ERC2: variants seen among roughly 807,000 people sequenced by gnomAD.
The protein encoded by ERC2 is ELKS/RAB6-interacting/CAST family member 2.
A neutral mutation model predicts 114.8 loss-of-function variants in ERC2; 42 were observed. That is an observed-to-expected ratio of 0.37 (90% CI 0.29 to 0.47). ERC2 has a LOEUF of 0.47. Ranked by LOEUF, ERC2 falls within the 20% of genes least tolerant of loss-of-function variation. The pLI is 0.99. For missense variants in ERC2, 939 were observed against 1,150.7 expected (o/e 0.82, Z 2.66); for synonymous variants, 454 against 425.5 (o/e 1.07, Z -0.82).
intron 15 of ERC2, among the ~76,000 whole-genome samples, 185 bp downstream of exon 15, chr3:55,734,586 C>T (rs2065506692): frequency 6.6e-6 from 1 of 152,138 alleles, no homozygotes; most frequent in African/African-American, 2.4e-5. Flanking sequence ...CAGCCACATG[C>T]ACATAAACAC....
At chr3:55,768,113 G>A (rs1204820369) in intron 14 of ERC2, among the ~76,000 whole-genome samples, 2 of 152,102 alleles carry the variant, frequency 1.3e-5, no homozygotes, top group African/African-American at 4.8e-5. Context: ...TACTATGATT[G>A]TAAGTTTCCT....
At chr3:55,779,335 A>C (rs113784762) in intron 14 of ERC2, among the ~76,000 whole-genome samples, 3 of 142,180 alleles carry the variant, frequency 2.1e-5, no homozygotes, top group Non-Finnish European at 3.0e-5. Context: ...TACAAAAAAA[A>C]AAAAAAAAAA....
chr3:56,209,305 A>C (rs1232644575), intron 3 of ERC2, among the ~76,000 whole-genome samples: 4 of 152,000 alleles, frequency 2.6e-5, no homozygotes, highest in African/African-American at 9.7e-5. Flanking sequence ...GACTCTATTC[A>C]GGCCTTCAAG....
At chr3:56,291,059 C>G (rs1340450162) in intron 3 of ERC2, among the ~76,000 whole-genome samples, 3 of 152,220 alleles carry the variant, frequency 2.0e-5, no homozygotes, top group African/African-American at 4.8e-5. Context: ...AGACCCCTAT[C>G]TCTCTTCTAA....
At chr3:56,156,920 G>A in intron 4 of ERC2, among the ~76,000 whole-genome samples, 1 of 152,082 alleles carries the variant, frequency 6.6e-6, no homozygotes, top group East Asian at 1.9e-4. Context: ...AAGCTCCTCA[G>A]CTTGGGGGTA....
At chr3:56,043,525 A>G (rs1229012885) in intron 7 of ERC2, among the ~76,000 whole-genome samples, 4 of 151,396 alleles carry the variant, frequency 2.6e-5, no homozygotes, top group South Asian at 2.1e-4. Flanking sequence ...AGACACTCAG[A>G]AAAAAAAAGA....
chr3:56,138,463 G>T (rs1050856960), intron 6 of ERC2, among the ~76,000 whole-genome samples: 1 of 152,212 alleles, frequency 6.6e-6, no homozygotes, highest in Non-Finnish European at 1.5e-5. Context: ...AATGGTCAAA[G>T]GTATAGGGGC....
rs527435249 is a variant in ERC2 at position 55,733,021 on chromosome 3, G to A, written c.2712+1750C>T. Among the ~76,000 whole-genome samples, 4 of 152,270 alleles carry A rather than the reference G, an allele frequency of 2.6e-5. No individual in the cohort carries two copies. The East Asian group carries it at 7.7e-4, about 29-fold the overall frequency. On this transcript the variant is annotated intron_variant, in intron 15 of 17. Coordinates refer to ENST00000288221, the MANE Select transcript of ERC2 (RefSeq NM_015576.3). Reference sequence around the variant, plus strand: ...TTTGGATCATGTATGCATCGTAGCTGGACCAGTGGTACTTGGCCGTAATAT... The same window carrying A: ...TTTGGATCATGTATGCATCGTAGCTAGACCAGTGGTACTTGGCCGTAATAT...
chr3:56,015,203 GC>G (rs2073222715), intron 8 of ERC2, among the ~76,000 whole-genome samples: 1 of 151,986 alleles, frequency 6.6e-6, no homozygotes, highest in Admixed American at 6.6e-5. Context: ...TTAATTGTTT[GC>G]TATATTTTAT....
intron 2 of ERC2, among the ~76,000 whole-genome samples, chr3:56,345,065 T>C (rs2058252181): frequency 6.6e-6 from 1 of 152,184 alleles, no homozygotes; most frequent in Non-Finnish European, 1.5e-5. Flanking sequence ...GAAAAACTAA[T>C]ATTTACACTA....
chr3:55,846,690 TCTTTCTC>T lies in ERC2; in HGVS notation c.2564+41692_2564+41698del, dbSNP rs1559754878. On this transcript the variant is annotated intron_variant, in intron 14 of 17. Transcript: ENST00000288221. ...TTCATTCTCTCTCTCTCTCTCTCTC[TCTTTCTC>T]TCTCTCTCTCTCTCTCTCTCTCTGC... 4.2e-3 allele frequency among the ~76,000 whole-genome samples: 505 copies of T among 121,240 alleles called. 3 individuals are homozygous for T. The highest frequency in any genetic ancestry group is 0.017 in the African/African-American group (470 of 28,474). 79.5% of individuals were successfully genotyped at this position (121,240 alleles called of 152,430 possible).
At chr3:55,838,259 CTT>C (rs2060986389) in intron 14 of ERC2, among the ~76,000 whole-genome samples, 1 of 152,026 alleles carries the variant, frequency 6.6e-6, no homozygotes, top group Non-Finnish European at 1.5e-5. Flanking sequence ...AATACACATT[CTT>C]TTCTAGTGCA....
At chr3:56,133,896 T>C (rs962473326) in intron 6 of ERC2, among the ~76,000 whole-genome samples, 7 of 152,186 alleles carry the variant, frequency 4.6e-5, no homozygotes, top group Non-Finnish European at 1.0e-4. Context: ...ACCTCACTGA[T>C]TTGGACACAT....
intron 2 of ERC2, among the ~76,000 whole-genome samples, chr3:56,321,904 A>C (rs1219379915): frequency 6.6e-6 from 1 of 152,238 alleles, no homozygotes; most frequent in African/African-American, 2.4e-5. Flanking sequence ...CTCACCACCT[A>C]ACAAGAGATA....
chr3:55,955,179 T>C (rs1425907773), intron 12 of ERC2: 3 of 515,622 alleles, frequency 5.8e-6, no homozygotes, highest in African/African-American at 5.8e-5. Context: ...AAAACAGTGG[T>C]CATGACTGAA....
chr3:56,074,656 C>A (rs2076891069), intron 7 of ERC2, among the ~76,000 whole-genome samples: 1 of 152,078 alleles, frequency 6.6e-6, no homozygotes, highest in Admixed American at 6.6e-5. Flanking sequence ...AACCTTCATC[C>A]CTTTTTACCT....
At chr3:56,092,351 TTAA>T (rs1203900962) in intron 6 of ERC2, among the ~76,000 whole-genome samples, 1 of 152,132 alleles carries the variant, frequency 6.6e-6, no homozygotes, top group African/African-American at 2.4e-5. Flanking sequence ...CACATGTGAG[TTAA>T]TAATTCAGCC....
chr3:56,162,097 A>T (rs571006512), intron 4 of ERC2, among the ~76,000 whole-genome samples: 3 of 152,170 alleles, frequency 2.0e-5, no homozygotes, highest in East Asian at 3.9e-4. Context: ...TCATGAAGGG[A>T]TGTTGGATTT....
intron 15 of ERC2, among the ~76,000 whole-genome samples, chr3:55,719,630 A>G (rs984875194): frequency 1.3e-5 from 2 of 152,158 alleles, no homozygotes; most frequent in African/African-American, 4.8e-5. Context: ...TGCTCATACT[A>G]TCTGCTATTA....
Sources: gnomAD v4.1 joint callset for allele counts (sites outside exome capture counted in the v4.1 genomes callset) on GRCh38, gnomAD v4.1.1 for gene constraint, MANE v1.5 for transcripts, NCBI Gene and HGNC (gene_info 2026-07-23, HGNC 2026-07-21) for gene names.